NUP153: variants seen among roughly 807,000 people sequenced by gnomAD.
The protein encoded by NUP153 is nuclear pore complex protein Nup153.
In NUP153, 27 loss-of-function variants were observed where a neutral mutation model predicts 134.6. That is an observed-to-expected ratio of 0.20 (90% CI 0.15 to 0.28). NUP153 has a LOEUF of 0.28. Among genes scored for constraint, NUP153 ranks in the 10% least tolerant of loss-of-function variants. NUP153 has a pLI of 1.00. For synonymous variants in NUP153, 640 were observed against 623.5 expected (o/e 1.03, Z -0.40); for missense variants, 1,821 against 1,731.3 (o/e 1.05, Z -0.92).
At chr6:17,662,501 A>G (rs1025255872) in intron 9 of NUP153, among the ~76,000 whole-genome samples, 1 of 152,214 alleles carries the variant, frequency 6.6e-6, no homozygotes, top group Non-Finnish European at 1.5e-5. Flanking sequence ...GGGGCAGGAA[A>G]TGCATGTGAT....
chr6:17,646,130 C>A lies in NUP153; in HGVS notation c.1657G>T (p.Val553Phe). 6.3e-7 allele frequency: 1 copy of A among 1,595,276 alleles called. No homozygotes were observed. Among genetic ancestry groups the A allele is most frequent in the South Asian group, 1.1e-5 (1 of 90,562 alleles). ...CCAGAAAGTTCTGCTGTTTTTGCAA[C>A]AGGCACACTAAATGTAAATCCAATC... is the stretch of plus-strand genomic sequence containing the variant. ...SSIGFTFSVPVAKTAELSGSS... is the reference protein window; with the variant it reads ...SSIGFTFSVPFAKTAELSGSS... Residue 553 changes from valine to phenylalanine, a missense_variant, in exon 14 of 22, where the codon GTT (valine) becomes TTT (phenylalanine). Val to Phe is a conservative substitution (Grantham distance 50). Coordinates refer to ENST00000262077, the MANE Select transcript of NUP153 (RefSeq NM_005124.4).
At chr6:17,644,235 A>G (rs1189194792) in intron 14 of NUP153, among the ~76,000 whole-genome samples, 1 of 152,002 alleles carries the variant, frequency 6.6e-6, no homozygotes, top group African/African-American at 2.4e-5. Context: ...TCCCAAACTC[A>G]GAAGATCATT....
chr6:17,676,232 C>T (rs1426731990), intron 2 of NUP153, among the ~76,000 whole-genome samples: 2 of 152,140 alleles, frequency 1.3e-5, no homozygotes, highest in Admixed American at 6.5e-5. Context: ...AGAAAGGATT[C>T]GGCTTCACTG....
At chr6:17,654,318 G>A (rs1378129234) in intron 11 of NUP153, among the ~76,000 whole-genome samples, 1 of 151,298 alleles carries the variant, frequency 6.6e-6, no homozygotes, top group African/African-American at 2.4e-5. Context: ...TACTGACCTT[G>A]AACCAATTTT....
At chr6:17,690,270 T>TGAACCCGGGTGGCGTAGCTTGCGGTGA (rs1769196092) in intron 1 of NUP153, among the ~76,000 whole-genome samples, 1 of 151,404 alleles carries the variant, frequency 6.6e-6, no homozygotes, top group Admixed American at 6.6e-5. Context: ...GAGAATGGCG[T>TGAACCCGGGTGGCGTAGCTTGCGGTGA]GAACCCGGGT....
intron 2 of NUP153, among the ~76,000 whole-genome samples, chr6:17,681,971 G>A (rs1273615320): frequency 1.6e-4 from 25 of 152,028 alleles, no homozygotes; most frequent in Admixed American, 1.6e-3. Flanking sequence ...CTTTTAGGAG[G>A]CTGAGGCAGG....
intron 17 of NUP153, among the ~76,000 whole-genome samples, chr6:17,632,142 A>G (rs1765286413): frequency 6.6e-6 from 1 of 152,084 alleles, no homozygotes; most frequent in African/African-American, 2.4e-5. Flanking sequence ...GTCAAATAAA[A>G]GTCAGTAAGT....
chr6:17,677,395 A>T (rs1393650216), intron 2 of NUP153, among the ~76,000 whole-genome samples: 1 of 150,942 alleles, frequency 6.6e-6, no homozygotes, highest in Non-Finnish European at 1.5e-5. Context: ...AAAAAAGAAA[A>T]CTGTGATCCA....
intron 15 of NUP153, 116 bp downstream of exon 15, chr6:17,639,823 G>T: frequency 2.3e-6 from 2 of 888,116 alleles, no homozygotes; most frequent in Non-Finnish European, 3.3e-6. Flanking sequence ...CTATTCAAAA[G>T]TAAATCTCCT....
chr6:17,665,239 A>G lies in NUP153; in HGVS notation c.1215T>C (p.Ser405=). The G allele has an allele frequency of 6.3e-7, 1 of 1,599,498 alleles. No individual in the cohort carries two copies. Among genetic ancestry groups the G allele is most frequent in the Non-Finnish European group, 8.6e-7 (1 of 1,167,032 alleles). ...KTNQRIDNKC[S]TGYEKNMTPG... is the part of the protein sequence containing the mutation. ...CTGGTAGAAATATACATATACTCAC[A>G]CTGCACTTGTTATCTATTCTTTGAT... The change falls in exon 9 of 22, where the codon AGT becomes AGC. Residue 405 remains serine (S), a splice_region_variant and synonymous_variant. Coordinates refer to ENST00000262077, the MANE Select transcript of NUP153 (RefSeq NM_005124.4).
chr6:17,641,407 C>A (rs186125514), intron 14 of NUP153, among the ~76,000 whole-genome samples: 5 of 152,154 alleles, frequency 3.3e-5, no homozygotes, highest in African/African-American at 1.2e-4. Context: ...TGGTGGTACA[C>A]ACCTGTAGTC....
chr6:17,637,817 A>G (rs201512278), intron 15 of NUP153, 47 bp from the exon 16 acceptor site: 3 of 1,531,108 alleles, frequency 2.0e-6, no homozygotes, highest in Non-Finnish European at 2.6e-6. Flanking sequence ...AGCTTTATAA[A>G]TCAAAGCATT....
chr6:17,663,262 T>C (rs7758652), intron 9 of NUP153, among the ~76,000 whole-genome samples: 1,450 of 109,958 alleles, frequency 0.013, 12 homozygotes, highest in African/African-American at 0.036. Flanking sequence ...CACACACACA[T>C]ATATATATAT....
intron 1 of NUP153, among the ~76,000 whole-genome samples, chr6:17,696,483 C>T (rs1327446779): frequency 6.6e-6 from 1 of 152,140 alleles, no homozygotes; most frequent in Non-Finnish European, 1.5e-5. Context: ...AGGCCAGGCA[C>T]GGTGGCTCAC....
At chr6:17,686,121 C>T (rs1768907027) in intron 2 of NUP153, among the ~76,000 whole-genome samples, 2 of 151,612 alleles carry the variant, frequency 1.3e-5, no homozygotes, top group South Asian at 4.2e-4. Context: ...GCACTCCAGC[C>T]TGGGTAACAG....
At chr6:17,672,912 T>C (rs1475627681) in intron 5 of NUP153, among the ~76,000 whole-genome samples, 1 of 152,094 alleles carries the variant, frequency 6.6e-6, no homozygotes, top group Non-Finnish European at 1.5e-5. Flanking sequence ...ATCATAGGCA[T>C]AAATTAAAAC....
At chr6:17,632,165 G>A (rs1020321789) in intron 17 of NUP153, among the ~76,000 whole-genome samples, 2 of 151,960 alleles carry the variant, frequency 1.3e-5, no homozygotes, top group African/African-American at 4.8e-5. Context: ...ATCTGGGCGC[G>A]GTGGCTCACA....
intron 11 of NUP153, among the ~76,000 whole-genome samples, chr6:17,659,229 GA>G (rs1767023616): frequency 6.6e-6 from 1 of 152,244 alleles, no homozygotes; most frequent in South Asian, 2.1e-4. Flanking sequence ...GCGGGATGCA[GA>G]AAATGCTTTC....
At chr6:17,670,999 T>G (rs141373572) in intron 5 of NUP153, among the ~76,000 whole-genome samples, 4 of 151,900 alleles carry the variant, frequency 2.6e-5, no homozygotes, top group Non-Finnish European at 5.9e-5. Flanking sequence ...TTAGTAGAGA[T>G]AGGGTTTCAC....
Sources: gnomAD v4.1 joint callset for allele counts (sites outside exome capture counted in the v4.1 genomes callset) on GRCh38, gnomAD v4.1.1 for gene constraint, MANE v1.5 for transcripts, NCBI Gene and HGNC (gene_info 2026-07-23, HGNC 2026-07-21) for gene names.